Variants in NAALADL2 observed in about 807,000 individuals in gnomAD.
The protein encoded by NAALADL2 is inactive N-acetylated-alpha-linked acidic dipeptidase-like protein 2.
NAALADL2 carries 76 observed loss-of-function variants against 87.2 expected under a neutral mutation model. The observed-to-expected ratio is 0.87, with a 90% CI of 0.72 to 1.05. The LOEUF is 1.05. Ranked by LOEUF, NAALADL2 falls within the 50% of genes least tolerant of loss-of-function variation. NAALADL2 has a pLI of 0.00. For missense variants in NAALADL2, 1,089 were observed against 945.8 expected, an observed-to-expected ratio of 1.15 and a Z score of -1.99; for synonymous variants, 354 against 331.0, an observed-to-expected ratio of 1.07 and a Z score of -0.75.
chr3:174,756,029 G>A (rs972367520), intron 3 of NAALADL2, among the ~76,000 whole-genome samples: 1 of 152,198 alleles, frequency 6.6e-6, no homozygotes, highest in African/African-American at 2.4e-5. Context: ...AACGGTCTGG[G>A]AGGGAAGAAA....
chr3:175,387,089 G>A (rs1326991765), intron 5 of NAALADL2, among the ~76,000 whole-genome samples: 1 of 151,978 alleles, frequency 6.6e-6, no homozygotes. Flanking sequence ...TACTACTTTT[G>A]CTTTGTACTT....
chr3:175,218,783 A>ATTATTTTATT (rs369523162), intron 2 of NAALADL2, among the ~76,000 whole-genome samples: 4 of 151,756 alleles, frequency 2.6e-5, no homozygotes, highest in African/African-American at 9.7e-5. Flanking sequence ...TATTCATTTC[A>ATTATTTTATT]TTATTTTATT....
At chr3:175,118,120 T>TTGC (rs1725563054) in intron 2 of NAALADL2, among the ~76,000 whole-genome samples, 3 of 24,998 alleles carry the variant, frequency 1.2e-4, no homozygotes, top group Non-Finnish European at 2.2e-4. Context: ...TGTCGTAGGG[T>TTGC]GGGGGGGAGG....
intron 1 of NAALADL2, among the ~76,000 whole-genome samples, chr3:174,493,273 C>T (rs1396742551): frequency 1.3e-5 from 2 of 152,084 alleles, no homozygotes; most frequent in Non-Finnish European, 1.5e-5. Context: ...TTAGAGTGGA[C>T]ACTAATCTAA....
In NAALADL2 at chr3:174,712,795, CTTTATA is replaced by C. The variant is rs544963042; in HGVS notation, c.-114-24840_-114-24835del. On this transcript the variant is annotated intron_variant, in intron 2 of 3. Coordinates refer to the NAALADL2 transcript ENST00000434257. ...CTTTAATATTTTGGTGTATTTCTTT[CTTTATA>C]TTTATTTATTTTTAATTATACTTTA... Among the ~76,000 whole-genome samples the C allele has an allele frequency of 9.9e-5, 15 of 151,948 alleles. No homozygotes were observed. The South Asian group carries it at 1.2e-3, about 13-fold the overall frequency.
intron 1 of NAALADL2, among the ~76,000 whole-genome samples, chr3:174,870,036 A>G (rs1727620686): frequency 6.7e-6 from 1 of 148,978 alleles, no homozygotes; most frequent in Non-Finnish European, 1.5e-5. Flanking sequence ...AAAAAGGCTA[A>G]TTATGAAGTC....
chr3:175,064,069 C>T (rs77775417), intron 1 of NAALADL2, among the ~76,000 whole-genome samples: 16,975 of 151,828 alleles, frequency 0.11, 1,083 homozygotes, highest in East Asian at 0.21. Flanking sequence ...AGGTTCATCC[C>T]AGGAATTTAT....
intron 12 of NAALADL2, among the ~76,000 whole-genome samples, chr3:175,743,774 G>A (rs925786422): frequency 2.0e-5 from 3 of 152,198 alleles, no homozygotes; most frequent in African/African-American, 7.2e-5. Context: ...TCGTGAAAAC[G>A]AGATCATAGA....
At chr3:175,074,449 G>C (rs73883337) in intron 1 of NAALADL2, among the ~76,000 whole-genome samples, 3,388 of 151,976 alleles carry the variant, frequency 0.022, 126 homozygotes, top group African/African-American at 0.079. Flanking sequence ...CTACTGTTTT[G>C]TATTTCCTCC....
At chr3:174,864,870 G>A (rs952841077) in intron 1 of NAALADL2, among the ~76,000 whole-genome samples, 3 of 151,936 alleles carry the variant, frequency 2.0e-5, no homozygotes, top group Admixed American at 1.3e-4. Flanking sequence ...GAAAGTATTA[G>A]ACTTGATATA....
chr3:175,667,231 G>GAAAA (rs749819390), intron 11 of NAALADL2, among the ~76,000 whole-genome samples: 1 of 116,714 alleles, frequency 8.6e-6, no homozygotes, highest in African/African-American at 4.3e-5. Context: ...AAGAAAGAAA[G>GAAAA]AAAGAAAGAA....
intron 5 of NAALADL2, among the ~76,000 whole-genome samples, chr3:175,358,083 G>C (rs960478643): frequency 6.6e-6 from 1 of 152,054 alleles, no homozygotes; most frequent in African/African-American, 2.4e-5. Flanking sequence ...CCATAAAATC[G>C]CAAGTGACAT....
At chr3:175,458,394 C>T (rs1722632918) in intron 6 of NAALADL2, among the ~76,000 whole-genome samples, 1 of 150,720 alleles carries the variant, frequency 6.6e-6, no homozygotes, top group Non-Finnish European at 1.5e-5. Flanking sequence ...CACACACATA[C>T]ACACGGTTTT....
chr3:174,843,904 G>A (rs1183740462), intron 3 of NAALADL2, among the ~76,000 whole-genome samples: 6 of 152,024 alleles, frequency 3.9e-5, no homozygotes, highest in Non-Finnish European at 8.8e-5. Flanking sequence ...TGTTTAAAGT[G>A]TTTATATATT....
intron 11 of NAALADL2, among the ~76,000 whole-genome samples, chr3:175,636,720 A>G (rs1432242701): frequency 6.6e-6 from 1 of 151,720 alleles, no homozygotes; most frequent in South Asian, 2.1e-4. Flanking sequence ...AAAAAGAAAA[A>G]AAAAGAAAAA....
chr3:174,800,787 C>G (rs909214621), intron 3 of NAALADL2, among the ~76,000 whole-genome samples: 2 of 152,188 alleles, frequency 1.3e-5, no homozygotes. Flanking sequence ...CAGAGCTGCC[C>G]AAGACCATGG....
chr3:175,446,406 T>C (rs557585564), intron 5 of NAALADL2, among the ~76,000 whole-genome samples: 74 of 152,194 alleles, frequency 4.9e-4, no homozygotes, highest in African/African-American at 1.6e-3. Context: ...CATACCCAGC[T>C]AATTTTTATA....
chr3:175,696,806 C>G (rs1445634745), intron 11 of NAALADL2, among the ~76,000 whole-genome samples: 1 of 152,084 alleles, frequency 6.6e-6, no homozygotes, highest in African/African-American at 2.4e-5. Context: ...AAGAACATGG[C>G]ACCAATGTCT....
At chr3:175,147,923 A>G (rs988161665) in intron 2 of NAALADL2, among the ~76,000 whole-genome samples, 2 of 151,806 alleles carry the variant, frequency 1.3e-5, no homozygotes, top group Non-Finnish European at 2.9e-5. Flanking sequence ...TACAAAAATT[A>G]GCCAGGCATA....
Sources: allele counts gnomAD v4.1 joint callset (sites outside exome capture counted in the v4.1 genomes callset), GRCh38; gene constraint gnomAD v4.1.1; transcripts MANE v1.5; gene names NCBI Gene and HGNC (gene_info 2026-07-23, HGNC 2026-07-21).